CSMD3: variants seen among roughly 807,000 people sequenced by gnomAD.
CSMD3 encodes the protein CUB and sushi domain-containing protein 3.
In CSMD3, 177 loss-of-function variants were observed where a neutral mutation model predicts 435.2. The ratio of observed to expected loss-of-function variants is 0.41; its 90% CI spans 0.36 to 0.46. The LOEUF is 0.46. Among genes scored for constraint, CSMD3 ranks in the 20% least tolerant of loss-of-function variants. CSMD3 has a pLI of 0.34. For synonymous variants in CSMD3, 1,656 were observed against 1,520.5 expected (o/e 1.09, Z -2.07); for missense variants, 4,265 against 4,504.6 (o/e 0.95, Z 1.52).
intron 2 of CSMD3, among the ~76,000 whole-genome samples, chr8:113,300,463 T>G (rs1206638613): frequency 6.6e-6 from 1 of 152,164 alleles, no homozygotes; most frequent in Non-Finnish European, 1.5e-5. Context: ...GTTATGTGGT[T>G]AAAGGAATTG....
chr8:113,110,352 T>C (rs2131593621), intron 4 of CSMD3, among the ~76,000 whole-genome samples: 1 of 152,314 alleles, frequency 6.6e-6, no homozygotes, highest in East Asian at 1.9e-4. Context: ...AAGTCACACT[T>C]TCAACACCTT....
rs1039692999 is a variant in CSMD3, at chr8:112,418,608, TAAATA to T, written c.5396-9581_5396-9577del. On this transcript the variant is annotated intron_variant, in intron 32 of 70. Transcript: ENST00000297405. The stretch of plus-strand genomic sequence containing the variant: ...AAACTTCAATTTTATGAAAAACAAA[TAAATA>T]AAAGTGTAGTATTATGAAAATTTAC... Among the ~76,000 whole-genome samples, 14 of 152,204 alleles carry T rather than the reference TAAATA, an allele frequency of 9.2e-5. 1 individual carries two copies. The highest frequency in any genetic ancestry group is 3.9e-4 in the Admixed American group (6 of 15,282).
rs576892585 is a variant in CSMD3 at position 112,916,473 on chromosome 8, C to G, written c.1633+5154G>C. 1.4e-3 allele frequency among the ~76,000 whole-genome samples: 206 copies of G among 151,776 alleles called. 1 individual carries two copies. Among genetic ancestry groups the G allele is most frequent in the African/African-American group, 4.7e-3 (195 of 41,478 alleles). On this transcript the variant is annotated intron_variant, in intron 10 of 70. Coordinates refer to ENST00000297405, the MANE Select transcript of CSMD3 (RefSeq NM_198123.2). ...CACTATGGCTTTTAGAAAAAAAAAC[C>G]ACTAAGAAATATGAATGTGTGATAA... is the stretch of plus-strand genomic sequence containing the variant.
chr8:112,725,476 T>G (rs1290473412), intron 13 of CSMD3, among the ~76,000 whole-genome samples: 1 of 151,990 alleles, frequency 6.6e-6, no homozygotes, highest in Non-Finnish European at 1.5e-5. Context: ...GAATGTTAAT[T>G]AGTTCCTTTA....
At position 112,281,258 on chromosome 8, in the gene CSMD3, T is replaced by C. The variant is rs770912836; in HGVS notation, c.9424A>G (p.Met3142Val). 4 of 1,613,292 alleles carry C rather than the reference T, an allele frequency of 2.5e-6. No homozygotes were observed. Among genetic ancestry groups the C allele is most frequent in the South Asian group, 2.2e-5 (2 of 91,076 alleles). ...TFSSSVIYSC[M>V]EGYILSGPSV... ...GGTCCAGAAAGGATGTATCCCTCCA[T>C]GCAGGAATAAATGACTGAACTAGAA... The change falls in exon 59 of 71, where the codon ATG (methionine) becomes GTG (valine). Residue 3142 changes from methionine (M) to valine (V), a missense_variant. By Grantham distance (21) the Met-to-Val change is conservative. Transcript: ENST00000297405.
chr8:112,319,067 A>G, intron 46 of CSMD3, 117 bp from the exon 47 acceptor site: 2 of 717,416 alleles, frequency 2.8e-6, no homozygotes, highest in Non-Finnish European at 4.9e-6. Context: ...CAGTATAAAA[A>G]TGTTATTAGG....
intron 9 of CSMD3, among the ~76,000 whole-genome samples, chr8:112,934,662 T>C (rs2083221695): frequency 6.6e-6 from 1 of 152,114 alleles, no homozygotes; most frequent in Admixed American, 6.6e-5. Flanking sequence ...TTTTAGAACA[T>C]AAATTCATAA....
chr8:113,382,227 T>G (rs1024446592), intron 1 of CSMD3, among the ~76,000 whole-genome samples: 1 of 152,178 alleles, frequency 6.6e-6, no homozygotes, highest in Non-Finnish European at 1.5e-5. Flanking sequence ...ACTAAGATTC[T>G]AAGAATAATT....
intron 11 of CSMD3, among the ~76,000 whole-genome samples, chr8:112,847,545 T>C (rs148060504): frequency 2.0e-5 from 3 of 152,272 alleles, no homozygotes; most frequent in Non-Finnish European, 1.5e-5. Context: ...TTCTCCTGGA[T>C]ACACTTTCTT....
At chr8:112,571,944 T>C (rs925655262) in intron 24 of CSMD3, among the ~76,000 whole-genome samples, 1 of 150,906 alleles carries the variant, frequency 6.6e-6, no homozygotes, top group Admixed American at 6.6e-5. Context: ...ACAAAAACCA[T>C]TACGTAAACA....
rs2131255167 is a variant in CSMD3, at chr8:112,383,627, C to A, written c.5971G>T (p.Asp1991Tyr). 1 of 1,609,428 alleles carries A rather than the reference C, an allele frequency of 6.2e-7. No individual in the cohort carries two copies. Among genetic ancestry groups the A allele is most frequent in the South Asian group, 1.1e-5 (1 of 90,992 alleles). ...CCCCCATCATAAAAGTCCAGAGAATCCCAATTATGTTCTGTAGCAAAGCTA... is the reference window on the plus strand; with the variant it reads ...CCCCCATCATAAAAGTCCAGAGAATACCAATTATGTTCTGTAGCAAAGCTA... ...VVSFATEHNW[D>Y]SLDFYDGGDN... The change falls in exon 37 of 71, where the codon GAT becomes TAT. Residue 1991 changes from aspartate to tyrosine, a missense_variant. By Grantham distance (160) the Asp-to-Tyr change is radical. This residue lies in a region of CSMD3 where 3,255 missense variants were observed against 3,380.2 expected (regional missense o/e 0.96). Transcript: ENST00000297405.
At chr8:112,695,093 T>C (rs1012613406) in intron 13 of CSMD3, among the ~76,000 whole-genome samples, 1 of 152,118 alleles carries the variant, frequency 6.6e-6, no homozygotes, top group Non-Finnish European at 1.5e-5. Flanking sequence ...TCACTTCCAC[T>C]CTAATACTGA....
chr8:112,676,124 C>G (rs2075765149), intron 16 of CSMD3, among the ~76,000 whole-genome samples: 1 of 152,026 alleles, frequency 6.6e-6, no homozygotes, highest in Non-Finnish European at 1.5e-5. Flanking sequence ...CAGTTTCAGA[C>G]AGGGTAAGTT....
At chr8:112,660,445 G>A (rs961366792) in intron 17 of CSMD3, among the ~76,000 whole-genome samples, 4 of 152,154 alleles carry the variant, frequency 2.6e-5, no homozygotes, top group Admixed American at 6.6e-5. Context: ...TGTGTAAGAT[G>A]TAGATTATTA....
intron 2 of CSMD3, among the ~76,000 whole-genome samples, chr8:113,306,035 T>C (rs1379667981): frequency 2.0e-5 from 3 of 152,214 alleles, no homozygotes; most frequent in Admixed American, 2.0e-4. Flanking sequence ...ACTGAGGTCA[T>C]AGTTGAACCA....
At chr8:112,401,777 A>C (rs1026747789) in intron 35 of CSMD3, among the ~76,000 whole-genome samples, 5 of 152,224 alleles carry the variant, frequency 3.3e-5, no homozygotes, top group African/African-American at 1.2e-4. Flanking sequence ...TTTTAAATGC[A>C]AATAGAAGTC....
At chr8:112,246,949 G>T in intron 64 of CSMD3, 71 bp downstream of exon 64, 1 of 1,039,958 alleles carries the variant, frequency 9.6e-7, no homozygotes, top group Non-Finnish European at 1.5e-6. Context: ...AAATGTATTT[G>T]AATACTTGGG....
At chr8:112,292,025 AT>A (rs940882292) in intron 55 of CSMD3, among the ~76,000 whole-genome samples, 1 of 152,078 alleles carries the variant, frequency 6.6e-6, no homozygotes, top group Non-Finnish European at 1.5e-5. Context: ...ATTAGGTTGT[AT>A]TTTGTCATAC....
intron 13 of CSMD3, among the ~76,000 whole-genome samples, chr8:112,759,636 A>C (rs2077788209): frequency 6.6e-6 from 1 of 152,150 alleles, no homozygotes; most frequent in African/African-American, 2.4e-5. Context: ...TTGTGATAGA[A>C]TACCCATTCT....
Sources: gnomAD v4.1 joint callset for allele counts (sites outside exome capture counted in the v4.1 genomes callset) on GRCh38, gnomAD v4.1.1 for gene constraint, gnomAD v4.1.1 regional missense constraint, MANE v1.5 for transcripts, NCBI Gene and HGNC (gene_info 2026-07-23, HGNC 2026-07-21) for gene names.